The following HMGB1 variants were observed in gnomAD, a reference collection of about 807,000 sequenced individuals.
HMGB1 encodes high mobility group box 1.
For synonymous variants in HMGB1, 81 were observed against 84.0 expected (o/e 0.96, Z 0.19); for missense variants, 79 against 253.5 (o/e 0.31, Z 4.67).
At chr13:30,563,164 T>C (rs144205653) in intron 1 of HMGB1, among the ~76,000 whole-genome samples, 1,646 of 152,368 alleles carry the variant, frequency 0.011, 30 homozygotes, top group African/African-American at 0.036. Context: ...GAAGCTCTGC[T>C]TCGAGGTCAA....
At position 30,509,290 on chromosome 13, in the gene HMGB1, G is replaced by T. The variant is rs1367632801; in HGVS notation, c.-14-45596C>A. On this transcript the variant is annotated intron_variant, in intron 1 of 4. Coordinates refer to the HMGB1 transcript ENST00000405805. ...ATCTCACTCTGTCACCCAGGCTGGA[G>T]TGTGGTGGTGTGATCTTGGCTCACT... 4.7e-5 allele frequency among the ~76,000 whole-genome samples: 7 copies of T among 150,090 alleles called. No homozygotes were observed. The Admixed American group carries it at 4.7e-4, about 10-fold the overall frequency.
intron 1 of HMGB1, among the ~76,000 whole-genome samples, chr13:30,521,778 T>C (rs1888243925): frequency 1.3e-5 from 2 of 152,226 alleles, no homozygotes; most frequent in Non-Finnish European, 2.9e-5. Flanking sequence ...ATTTACCTGT[T>C]TGAAGAACAG....
At chr13:30,464,303 CCT>C (rs1886567531) in intron 1 of HMGB1, 1 of 985,320 alleles carries the variant, frequency 1.0e-6, no homozygotes, top group Non-Finnish European at 1.2e-6. Context: ...TCGGTTTGGC[CCT>C]GAGATGTATT....
intron 1 of HMGB1, among the ~76,000 whole-genome samples, chr13:30,538,559 C>A (rs1314932650): frequency 4.2e-5 from 3 of 71,592 alleles, no homozygotes; most frequent in Non-Finnish European, 7.5e-5. Context: ...CTTTCTTTTT[C>A]TTTCTTCTTT....
At chr13:30,525,718 TA>T (rs61016729) in intron 1 of HMGB1, among the ~76,000 whole-genome samples, 113,531 of 150,420 alleles carry the variant, frequency 0.75, 43,962 homozygotes, top group Non-Finnish European at 0.84. Flanking sequence ...ATTATTAACA[TA>T]AAAAAAAAAA....
intron 1 of HMGB1, among the ~76,000 whole-genome samples, chr13:30,480,096 T>C (rs1266655673): frequency 2.0e-5 from 3 of 152,182 alleles, no homozygotes; most frequent in Non-Finnish European, 2.9e-5. Flanking sequence ...TAAAACCCAA[T>C]CTCTCCTTTT....
At chr13:30,578,365 GTTC>G (rs1870751782) in intron 1 of HMGB1, among the ~76,000 whole-genome samples, 1 of 67,086 alleles carries the variant, frequency 1.5e-5, no homozygotes, top group Non-Finnish European at 3.0e-5. Context: ...ACCAGTTCTT[GTTC>G]TTTTTTTTTT....
At chr13:30,600,413 A>ATTTG (rs144823153) in intron 1 of HMGB1, among the ~76,000 whole-genome samples, 4,893 of 152,328 alleles carry the variant, frequency 0.032, 247 homozygotes, top group African/African-American at 0.11. Context: ...AATAAGACAA[A>ATTTG]TAGCAGGTAT....
chr13:30,470,265 A>G (rs763124622), upstream of HMGB1, among the ~76,000 whole-genome samples: 1 of 152,250 alleles, frequency 6.6e-6, no homozygotes, highest in African/African-American at 2.4e-5. Context: ...CGTTGCATAA[A>G]TGAATTAATA....
At chr13:30,554,131 C>T in intron 1 of HMGB1, 2 of 1,250,896 alleles carry the variant, frequency 1.6e-6, no homozygotes, top group Non-Finnish European at 2.4e-6. Flanking sequence ...AGTCATATTA[C>T]ACAGTACATC....
intron 1 of HMGB1, among the ~76,000 whole-genome samples, chr13:30,515,551 T>C (rs1206757143): frequency 6.6e-6 from 1 of 152,176 alleles, no homozygotes; most frequent in Non-Finnish European, 1.5e-5. Flanking sequence ...ATAATTGAAA[T>C]AACTTTATCT....
intron 1 of HMGB1, among the ~76,000 whole-genome samples, chr13:30,474,011 C>T (rs1887008829): frequency 6.6e-6 from 1 of 152,092 alleles, no homozygotes; most frequent in Admixed American, 6.5e-5. Context: ...ATATTATAGA[C>T]AGGGAAGTAG....
Position 30,484,137 on chromosome 13 carries a change from G to C in HMGB1, c.-14-20443C>G, listed in dbSNP as rs143865365. Among the ~76,000 whole-genome samples the C allele has an allele frequency of 3.1e-3, 467 of 152,210 alleles. 3 individuals are homozygous for C. The highest frequency in any genetic ancestry group is 0.011 in the African/African-American group (442 of 41,522). ...CCCCTGACCATCCCATTCAGAGCTT[G>C]GCTGTGGGGGAAGCAGTCCCTTGGT... On this transcript the variant is annotated intron_variant, in intron 1 of 4. Coordinates refer to the HMGB1 transcript ENST00000405805.
intron 1 of HMGB1, among the ~76,000 whole-genome samples, chr13:30,615,384 T>C (rs1950551016): frequency 6.6e-6 from 1 of 152,204 alleles, no homozygotes; most frequent in Admixed American, 6.5e-5. Context: ...TTTTTAAGTG[T>C]TACAGGGTAT....
intron 1 of HMGB1, among the ~76,000 whole-genome samples, chr13:30,489,738 T>C (rs1392222860): frequency 2.7e-5 from 4 of 147,122 alleles, no homozygotes; most frequent in African/African-American, 1.1e-4. Flanking sequence ...AATTTCTTTT[T>C]TTTTTTTTTT....
intron 1 of HMGB1, among the ~76,000 whole-genome samples, chr13:30,537,191 A>T (rs1348224882): frequency 6.6e-6 from 1 of 152,088 alleles, no homozygotes; most frequent in East Asian, 1.9e-4. Context: ...TCCCAGTAAT[A>T]CTTTTAAGAA....
At chr13:30,583,606 C>T (rs1372170335) in intron 1 of HMGB1, among the ~76,000 whole-genome samples, 9 of 149,008 alleles carry the variant, frequency 6.0e-5, no homozygotes, top group Non-Finnish European at 1.2e-4. Context: ...GAGGCCAAGG[C>T]AGGCCTCCTG....
intron 1 of HMGB1, among the ~76,000 whole-genome samples, chr13:30,471,245 C>A (rs545304134): frequency 6.6e-6 from 1 of 152,316 alleles, no homozygotes; most frequent in African/African-American, 2.4e-5. Context: ...GCTGGAATTA[C>A]AGGTGTGAGC....
In HMGB1 at chr13:30,544,326, T is replaced by C. The variant is rs561898601; in HGVS notation, c.-15+72345A>G. On this transcript the variant is annotated intron_variant, in intron 1 of 4. Transcript: ENST00000405805. Reference sequence around the variant, plus strand: ...GCCAGACCAATAAGGGTATCTTGCTTTGCTAATGAGATGACTAATGGCTGG... The same window carrying C: ...GCCAGACCAATAAGGGTATCTTGCTCTGCTAATGAGATGACTAATGGCTGG... Among the ~76,000 whole-genome samples, 3 of 152,324 alleles carry C rather than the reference T, an allele frequency of 2.0e-5. No individual in the cohort carries two copies. In the East Asian group the frequency reaches 5.8e-4, roughly 29 times the overall value.
Sources: gnomAD v4.1 joint callset for allele counts (sites outside exome capture counted in the v4.1 genomes callset) on GRCh38, gnomAD v4.1.1 for gene constraint, MANE v1.5 for transcripts, NCBI Gene and HGNC (gene_info 2026-07-23, HGNC 2026-07-21) for gene names.